Variants in WWOX observed in about 807,000 individuals in gnomAD.
WWOX encodes the protein WW domain containing oxidoreductase.
WWOX carries 69 observed loss-of-function variants against 46.2 expected under a neutral mutation model. The ratio of observed to expected loss-of-function variants is 1.49; its 90% CI spans 1.23 to 1.82. The LOEUF (loss-of-function observed/expected upper bound fraction) is 1.82, where lower values mean the gene tolerates loss of function less well. WWOX is among the 40% of genes most tolerant of loss of function. The pLI is 0.00. For missense variants in WWOX, 919 were observed against 542.6 expected, an observed-to-expected ratio of 1.69 and a Z score of -6.89; for synonymous variants, 359 against 202.6, an observed-to-expected ratio of 1.77 and a Z score of -6.56.
rs2048736287 is a variant in WWOX, at chr16:78,723,253, A to G, written c.1056+290501A>G. ...TATATTATAAGTTTATGCCACTGCA[A>G]CATTTTAGAATCACCTGGGAAGCTT... On this transcript the variant is annotated intron_variant, in intron 8 of 8. Transcript: ENST00000566780. Among the ~76,000 whole-genome samples, 3 of 152,188 alleles carry G rather than the reference A, an allele frequency of 2.0e-5. No individual in the cohort carries two copies. The South Asian group carries it at 6.2e-4, about 32-fold the overall frequency.
At chr16:78,381,638 GA>G (rs2081958798) in intron 5 of WWOX, among the ~76,000 whole-genome samples, 2 of 152,200 alleles carry the variant, frequency 1.3e-5, no homozygotes, top group East Asian at 1.9e-4. Flanking sequence ...GGTGTGATCA[GA>G]AGGAAGAATG....
chr16:78,929,816 G>C (rs1362849719), intron 8 of WWOX, among the ~76,000 whole-genome samples: 1 of 152,332 alleles, frequency 6.6e-6, no homozygotes, highest in Non-Finnish European at 1.5e-5. Flanking sequence ...ATCCAAGAAA[G>C]ACTGGGTTTC....
intron 7 of WWOX, among the ~76,000 whole-genome samples, chr16:78,426,767 G>A (rs185845771): frequency 2.0e-5 from 3 of 152,252 alleles, no homozygotes; most frequent in Non-Finnish European, 4.4e-5. Context: ...AGGGTTAAGC[G>A]ATTCTCCTGC....
At chr16:78,895,233 A>G (rs537359628) in intron 8 of WWOX, 4 of 152,318 alleles carry the variant, frequency 2.6e-5, no homozygotes, top group Admixed American at 2.0e-4. Flanking sequence ...CAGAAATAGA[A>G]CCTGCCTGTT....
At chr16:78,450,037 T>A (rs370967838) in intron 8 of WWOX, among the ~76,000 whole-genome samples, 7 of 130,822 alleles carry the variant, frequency 5.4e-5, no homozygotes, top group Admixed American at 1.5e-4. Context: ...CTAAAAAAAA[T>A]AACCACCCGT....
At chr16:78,391,272 T>A (rs978932403) in intron 6 of WWOX, among the ~76,000 whole-genome samples, 4 of 152,190 alleles carry the variant, frequency 2.6e-5, no homozygotes, top group Admixed American at 6.5e-5. Flanking sequence ...AGGCAACTTG[T>A]TGTTTGTTTT....
chr16:78,332,477 G>A (rs979586823), intron 5 of WWOX, among the ~76,000 whole-genome samples: 6 of 152,096 alleles, frequency 3.9e-5, no homozygotes, highest in African/African-American at 1.4e-4. Flanking sequence ...GGTAAAAGAA[G>A]GATGTTAAAG....
chr16:78,901,030 A>G (rs1413012491), intron 8 of WWOX, among the ~76,000 whole-genome samples: 1 of 152,140 alleles, frequency 6.6e-6, no homozygotes, highest in Admixed American at 6.5e-5. Context: ...TACAGAATGG[A>G]CCACTGCTCT....
intron 8 of WWOX, among the ~76,000 whole-genome samples, chr16:78,627,303 G>C (rs1327724970): frequency 6.6e-6 from 1 of 152,170 alleles, no homozygotes; most frequent in Non-Finnish European, 1.5e-5. Context: ...TGGTCTTAAA[G>C]TCCCAAAGGG....
At chr16:78,987,716 G>A (rs760711938) in intron 8 of WWOX, among the ~76,000 whole-genome samples, 5 of 152,114 alleles carry the variant, frequency 3.3e-5, no homozygotes, top group African/African-American at 4.8e-5. Flanking sequence ...TTCATTTCGC[G>A]CTAATGAGAG....
chr16:78,924,263 T>C (rs371332176), intron 8 of WWOX, among the ~76,000 whole-genome samples: 7 of 152,168 alleles, frequency 4.6e-5, no homozygotes, highest in African/African-American at 1.7e-4. Flanking sequence ...CTTTATAATG[T>C]GGTTAGACAA....
intron 8 of WWOX, among the ~76,000 whole-genome samples, chr16:78,975,555 T>C (rs2046554887): frequency 6.6e-6 from 1 of 152,004 alleles, no homozygotes; most frequent in Non-Finnish European, 1.5e-5. Context: ...ACCACAGATG[T>C]GCTGAATGCC....
intron 8 of WWOX, among the ~76,000 whole-genome samples, chr16:78,807,008 A>C (rs1199952135): frequency 6.6e-6 from 1 of 152,214 alleles, no homozygotes. Flanking sequence ...AATGGGGGAC[A>C]CTAATGCTGA....
At chr16:78,940,106 G>A (rs765302027) in intron 8 of WWOX, among the ~76,000 whole-genome samples, 32 of 152,208 alleles carry the variant, frequency 2.1e-4, no homozygotes, top group Non-Finnish European at 4.0e-4. Context: ...TTTTATTTGG[G>A]CCAGGGTCTT....
intron 5 of WWOX, among the ~76,000 whole-genome samples, chr16:78,274,002 A>G (rs1238778741): frequency 6.6e-6 from 1 of 152,188 alleles, no homozygotes; most frequent in Non-Finnish European, 1.5e-5. Context: ...TGGAGAACCC[A>G]GCATCTGACT....
chr16:78,854,062 A>G (rs773967026), intron 8 of WWOX, among the ~76,000 whole-genome samples: 6 of 152,142 alleles, frequency 3.9e-5, no homozygotes, highest in African/African-American at 1.4e-4. Context: ...TCATTTTGCT[A>G]TATTTCTTTC....
At chr16:78,622,574 C>G (rs1043846457) in intron 8 of WWOX, among the ~76,000 whole-genome samples, 1 of 151,326 alleles carries the variant, frequency 6.6e-6, no homozygotes, top group Non-Finnish European at 1.5e-5. Flanking sequence ...CTTGTAGTTT[C>G]TTCCTCTGTT....
At chr16:79,094,354 A>G (rs565906296) in intron 8 of WWOX, among the ~76,000 whole-genome samples, 22 of 151,562 alleles carry the variant, frequency 1.5e-4, no homozygotes, top group Non-Finnish European at 1.0e-4. Context: ...GGTTCAAGCA[A>G]TTCCCCTGCC....
Position 78,561,116 on chromosome 16 carries a change from T to G in WWOX, c.1056+128364T>G, listed in dbSNP as rs562213183. On this transcript the variant is annotated intron_variant, in intron 8 of 8. Coordinates refer to ENST00000566780, the MANE Select transcript of WWOX (RefSeq NM_016373.4). ...ATTCAGATCCTTGAAGTTGTAAGACTAGGGCCCCTGTTTCCTACTGACTTC... is the reference window on the plus strand; with the variant it reads ...ATTCAGATCCTTGAAGTTGTAAGACGAGGGCCCCTGTTTCCTACTGACTTC... Among the ~76,000 whole-genome samples, 3 of 152,300 alleles carry G rather than the reference T, an allele frequency of 2.0e-5. No homozygotes were observed. The East Asian group carries it at 5.8e-4, about 29-fold the overall frequency.
Sources: gnomAD v4.1 joint callset for allele counts (sites outside exome capture counted in the v4.1 genomes callset) on GRCh38, gnomAD v4.1.1 for gene constraint, MANE v1.5 for transcripts, NCBI Gene and HGNC (gene_info 2026-07-23, HGNC 2026-07-21) for gene names.